The following ARHGAP20 variants were observed in gnomAD, a reference collection of about 807,000 sequenced individuals.
ARHGAP20 encodes the protein rho GTPase-activating protein 20.
In ARHGAP20, 34 loss-of-function variants were observed where a neutral mutation model predicts 73.7. The ratio of observed to expected loss-of-function variants is 0.46; its 90% CI spans 0.35 to 0.61. The LOEUF is 0.61. Among genes scored for constraint, ARHGAP20 ranks in the 20% least tolerant of loss-of-function variants. The probability of loss-of-function intolerance (pLI) is 0.00; values close to 1 mark genes in which losing one functional copy is unlikely to be tolerated. For missense variants in ARHGAP20, 1,314 were observed against 1,420.9 expected, an observed-to-expected ratio of 0.92 and a Z score of 1.21; for synonymous variants, 523 against 518.2, an observed-to-expected ratio of 1.01 and a Z score of -0.13.
intron 7 of ARHGAP20, among the ~76,000 whole-genome samples, chr11:110,609,836 C>T (rs1294886221): frequency 1.3e-5 from 2 of 152,030 alleles, no homozygotes; most frequent in African/African-American, 2.4e-5. Context: ...CATTCCACCC[C>T]CCATACTCAG....
At chr11:110,652,357 A>G (rs1191605150) in intron 2 of ARHGAP20, among the ~76,000 whole-genome samples, 1 of 152,112 alleles carries the variant, frequency 6.6e-6, no homozygotes, top group Non-Finnish European at 1.5e-5. Flanking sequence ...CTCCAGTCCT[A>G]TTCAACATAG....
chr11:110,637,076 C>G (rs2134974039), intron 2 of ARHGAP20, among the ~76,000 whole-genome samples: 1 of 151,972 alleles, frequency 6.6e-6, no homozygotes, highest in East Asian at 1.9e-4. Flanking sequence ...TTCTGAAAAG[C>G]AAAAACAAGT....
At chr11:110,691,437 A>AT (rs1400011418) in intron 1 of ARHGAP20, among the ~76,000 whole-genome samples, 1 of 152,082 alleles carries the variant, frequency 6.6e-6, no homozygotes, top group Non-Finnish European at 1.5e-5. Context: ...CTATATCTCT[A>AT]TACCCTTTCA....
chr11:110,658,076 T>G, intron 2 of ARHGAP20, among the ~76,000 whole-genome samples: 1 of 152,182 alleles, frequency 6.6e-6, no homozygotes, highest in East Asian at 1.9e-4. Flanking sequence ...ACCTACCACT[T>G]AAAGACTATG....
chr11:110,697,466 C>T (rs1950358411), intron 1 of ARHGAP20, among the ~76,000 whole-genome samples: 2 of 151,602 alleles, frequency 1.3e-5, no homozygotes, highest in South Asian at 4.1e-4. Context: ...CTTGTAAGTT[C>T]TGGATACTAG....
chr11:110,579,817 G>A lies in ARHGAP20; in HGVS notation c.3129C>T (p.Ala1043=). The change falls in exon 15 of 15, where the codon GCC becomes GCT. Residue 1043 remains alanine (A), a synonymous_variant. Transcript: ENST00000683387. ...HPSTWLRNGV[A]SLKNWSLKKK... ...TTTTGAGGGACCAGTTTTTCAAACTGGCCACACCATTTCTCAACCATGTGC... is the reference window on the plus strand; with the variant it reads ...TTTTGAGGGACCAGTTTTTCAAACTAGCCACACCATTTCTCAACCATGTGC... 1 of 1,614,078 alleles carries A rather than the reference G, an allele frequency of 6.2e-7. No homozygotes were observed.
At chr11:110,618,243 A>G (rs1350757704) in intron 4 of ARHGAP20, among the ~76,000 whole-genome samples, 2 of 152,200 alleles carry the variant, frequency 1.3e-5, no homozygotes, top group Non-Finnish European at 2.9e-5. Flanking sequence ...AGTCTCCTGT[A>G]TTCTAGTTCT....
chr11:110,633,152 T>A (rs1948893085), intron 2 of ARHGAP20, among the ~76,000 whole-genome samples: 1 of 152,222 alleles, frequency 6.6e-6, no homozygotes, highest in East Asian at 1.9e-4. Context: ...TTAATTTTGC[T>A]TAATAAGGTA....
In ARHGAP20 at chr11:110,580,538, A is replaced by G. The variant is rs1344071408; in HGVS notation, c.2408T>C (p.Val803Ala). ...FPKSKPVAISVASYSPMSSQD... is the reference protein window; with the variant it reads ...FPKSKPVAISAASYSPMSSQD... ...TGAGGACATAGGACTATAAGATGCC[A>G]CAGAAATGGCCACTGGCTTAGACTT... The change falls in exon 15 of 15, where the codon GTG (valine) becomes GCG (alanine). Residue 803 changes from valine to alanine, a missense_variant. Physicochemically the swap from Val to Ala is moderately conservative, Grantham distance 64. This residue lies in a region of ARHGAP20 where 641 missense variants were observed against 636.9 expected (regional missense o/e 1.01). Coordinates refer to ENST00000683387, the MANE Select transcript of ARHGAP20 (RefSeq NM_001384657.1). 3 of 1,614,224 alleles carry G rather than the reference A, an allele frequency of 1.9e-6. No individual in the cohort carries two copies. Among genetic ancestry groups the G allele is most frequent in the Non-Finnish European group, 2.5e-6 (3 of 1,180,050 alleles).
At chr11:110,691,392 G>A (rs1452606718) in intron 1 of ARHGAP20, among the ~76,000 whole-genome samples, 1 of 152,072 alleles carries the variant, frequency 6.6e-6, no homozygotes, top group African/African-American at 2.4e-5. Context: ...CATGAGCGAA[G>A]TTCAGGCTGT....
In ARHGAP20 at chr11:110,593,170, A is replaced by G. The variant is rs139368682; in HGVS notation, c.965-1015T>C. On this transcript the variant is annotated intron_variant, in intron 9 of 14. Transcript: ENST00000683387. ...GTACTCACTAAATTGTTATTAAACAATAATTGAAATTGAGGAGGGATTTAA... is the reference window on the plus strand; with the variant it reads ...GTACTCACTAAATTGTTATTAAACAGTAATTGAAATTGAGGAGGGATTTAA... Among the ~76,000 whole-genome samples, 12 of 152,300 alleles carry G rather than the reference A, an allele frequency of 7.9e-5. No individual in the cohort carries two copies. In the East Asian group the frequency reaches 1.9e-3, roughly 25 times the overall value.
chr11:110,711,618 AG>A, intron 1 of ARHGAP20: 2 of 1,486,462 alleles, frequency 1.3e-6, no homozygotes, highest in South Asian at 2.5e-5. Context: ...CGGGCAGGTG[AG>A]GGGGCCGAGC....
chr11:110,622,507 C>T (rs1948651630), intron 4 of ARHGAP20, among the ~76,000 whole-genome samples: 1 of 152,166 alleles, frequency 6.6e-6, no homozygotes, highest in Non-Finnish European at 1.5e-5. Flanking sequence ...TAGTACATTA[C>T]TATCAAACTC....
intron 2 of ARHGAP20, among the ~76,000 whole-genome samples, chr11:110,668,577 A>T (rs1380348886): frequency 6.6e-6 from 1 of 152,168 alleles, no homozygotes; most frequent in African/African-American, 2.4e-5. Flanking sequence ...TGAGTCCTAG[A>T]GGTGGAGGAT....
chr11:110,611,713 C>T (rs1948370476), intron 6 of ARHGAP20, among the ~76,000 whole-genome samples: 1 of 152,126 alleles, frequency 6.6e-6, no homozygotes, highest in Non-Finnish European at 1.5e-5. Flanking sequence ...TGAGGTTGGT[C>T]CTCTGTCTTA....
rs1947973663 is a variant in ARHGAP20, at chr11:110,596,772, T to C, written c.965-4617A>G. Among the ~76,000 whole-genome samples, 5 of 152,148 alleles carry C rather than the reference T, an allele frequency of 3.3e-5. No individual in the cohort carries two copies. The South Asian group carries it at 8.3e-4, about 25-fold the overall frequency. ...TCTAGAACTAGAAATACCATTTGAC[T>C]CAGTAATCCCGTTACTGGGTATATA... On this transcript the variant is annotated intron_variant, in intron 9 of 14. Coordinates refer to ENST00000683387, the MANE Select transcript of ARHGAP20 (RefSeq NM_001384657.1).
In ARHGAP20 at chr11:110,582,370, G is replaced by T; in HGVS notation, c.1671C>A (p.Ser557=). 6.2e-7 allele frequency: 1 copy of T among 1,613,824 alleles called. No individual in the cohort carries two copies. The highest frequency in any genetic ancestry group is 8.5e-7 in the Non-Finnish European group (1 of 1,179,766). The change falls in exon 14 of 15, where the codon TCC becomes TCA. Residue 557 remains serine (S), a synonymous_variant. Coordinates refer to ENST00000683387, the MANE Select transcript of ARHGAP20 (RefSeq NM_001384657.1). ...CLRIFGEEIT[S]LFREVSVRCD... is the part of the protein sequence containing the mutation. Reference sequence around the variant, plus strand: ...ATCTCACTGAAACCTCTCTGAAGAGGGAAGTGATTTCTTCTCCAAATATCC... The same window carrying T: ...ATCTCACTGAAACCTCTCTGAAGAGTGAAGTGATTTCTTCTCCAAATATCC...
chr11:110,622,606 T>G (rs890898850), intron 4 of ARHGAP20, among the ~76,000 whole-genome samples: 1 of 152,202 alleles, frequency 6.6e-6, no homozygotes, highest in African/African-American at 2.4e-5. Context: ...ATAATTATTA[T>G]ATCTCTTTAG....
chr11:110,618,671 A>G (rs892076433), intron 4 of ARHGAP20, among the ~76,000 whole-genome samples: 1 of 151,642 alleles, frequency 6.6e-6, no homozygotes, highest in South Asian at 2.1e-4. Context: ...ATATGCAGTG[A>G]TAGAGTATAT....
Sources: allele counts gnomAD v4.1 joint callset (sites outside exome capture counted in the v4.1 genomes callset), GRCh38; gene constraint gnomAD v4.1.1; regional missense constraint gnomAD v4.1.1; transcripts MANE v1.5; gene names NCBI Gene and HGNC (gene_info 2026-07-23, HGNC 2026-07-21).